Variants in TTC12 observed in about 807,000 individuals in gnomAD.
TTC12 encodes the protein tetratricopeptide repeat protein 12.
TTC12 carries 70 observed loss-of-function variants against 90.1 expected under a neutral mutation model. The ratio of observed to expected loss-of-function variants is 0.78; its 90% confidence interval spans 0.64 to 0.95. The LOEUF is 0.95. TTC12 is among the 40% of genes least tolerant of loss of function. The pLI is 0.00. For synonymous variants in TTC12, 296 were observed against 311.5 expected (o/e 0.95, Z 0.53); for missense variants, 819 against 846.1 (o/e 0.97, Z 0.40).
At chr11:113,335,853 T>C (rs1555143891) in intron 8 of TTC12, among the ~76,000 whole-genome samples, 2 of 152,218 alleles carry the variant, frequency 1.3e-5, no homozygotes, top group African/African-American at 4.8e-5. Context: ...GTTTCCACTT[T>C]TTGCCTGCTA....
At chr11:113,320,826 A>T (rs1343753133) in intron 2 of TTC12, among the ~76,000 whole-genome samples, 1 of 152,114 alleles carries the variant, frequency 6.6e-6, no homozygotes, top group Admixed American at 6.5e-5. Flanking sequence ...GTGACTAAAC[A>T]GGCAAGCCAC....
At chr11:113,368,768 C>A, downstream of TTC12, 1 of 499,258 alleles carries the variant, frequency 2.0e-6, no homozygotes, top group Non-Finnish European at 3.6e-6. Context: ...AGCTTCTTGG[C>A]TTGGAGAACT....
At chr11:113,362,277 T>C in intron 18 of TTC12, 124 bp from the exon 19 acceptor site, 1 of 665,502 alleles carries the variant, frequency 1.5e-6, no homozygotes, top group South Asian at 1.9e-5. Flanking sequence ...TTGGCCATCA[T>C]ATTTTTTATA....
intron 6 of TTC12, among the ~76,000 whole-genome samples, chr11:113,328,189 T>G: frequency 6.6e-6 from 1 of 152,208 alleles, no homozygotes; most frequent in East Asian, 1.9e-4. Flanking sequence ...TTGGCTATCC[T>G]TTCGTACAAA....
intron 17 of TTC12, among the ~76,000 whole-genome samples, chr11:113,359,701 G>A (rs528391805): frequency 2.0e-5 from 3 of 152,322 alleles, no homozygotes; most frequent in African/African-American, 7.2e-5. Context: ...GCTGAGCAGA[G>A]TATGAGGTGC....
intron 11 of TTC12, 75 bp downstream of exon 11, chr11:113,340,808 G>A: frequency 1.6e-6 from 2 of 1,268,198 alleles, no homozygotes; most frequent in Non-Finnish European, 2.3e-6. Context: ...CAGACACGAG[G>A]CACATAGACA....
chr11:113,358,013 G>A lies in TTC12; in HGVS notation c.1447-1350G>A, dbSNP rs150089606. ...CAATGGCAGAGGCAACGCAGCTGGGGGAGAGGGTCCCTGCTGATGACTGTG... is the reference window on the plus strand; with the variant it reads ...CAATGGCAGAGGCAACGCAGCTGGGAGAGAGGGTCCCTGCTGATGACTGTG... On this transcript the variant is annotated intron_variant, in intron 16 of 21. Transcript: ENST00000529221. 1.8e-3 allele frequency among the ~76,000 whole-genome samples: 278 copies of A among 152,334 alleles called. 1 individual carries two copies. Among genetic ancestry groups the A allele is most frequent in the Middle Eastern group, 6.8e-3 (2 of 294 alleles).
rs375203743 is a variant in TTC12 at position 113,351,261 on chromosome 11, A to G, written c.1270A>G (p.Asn424Asp). The G allele has an allele frequency of 1.2e-6, 2 of 1,614,080 alleles. No individual in the cohort carries two copies. Among genetic ancestry groups the G allele is most frequent in the African/African-American group, 1.3e-5 (1 of 74,944 alleles). Residue 424 changes from asparagine to aspartate, a missense_variant, in exon 15 of 22, where the codon AAC (asparagine) becomes GAC (aspartate). Coordinates refer to ENST00000529221, the MANE Select transcript of TTC12 (RefSeq NM_017868.4). Reference sequence around the variant, plus strand: ...CAGATTCCAAGTCTGGTTCCAGGCCAACCTTCCAGGTGTTCTCCCTGCACT... The same window carrying G: ...CAGATTCCAAGTCTGGTTCCAGGCCGACCTTCCAGGTGTTCTCCCTGCACT... ...EERFQVWFQA[N>D]LPGVLPALTG...
chr11:113,329,938 G>A lies in TTC12; in HGVS notation c.463G>A (p.Asp155Asn). 2 of 1,613,782 alleles carry A rather than the reference G, an allele frequency of 1.2e-6. No homozygotes were observed. The highest frequency in any genetic ancestry group is 8.5e-7 in the Non-Finnish European group (1 of 1,179,638). The change falls in exon 7 of 22, where the codon GAC becomes AAC. Residue 155 changes from aspartate to asparagine, a missense_variant. Asp to Asn is a conservative substitution (Grantham distance 23). Transcript: ENST00000529221. ...ATTACAGGCTTATATGAAACTTGAG[G>A]ACTATGAGAAGGCACTGGTGGATTG... is the stretch of plus-strand genomic sequence containing the variant. ...NRAQAYMKLE[D>N]YEKALVDCEW... is the part of the protein sequence containing the mutation.
rs146262130 is a variant in TTC12 at position 113,363,004 on chromosome 11, T to C, written c.1716+502T>C. Among the ~76,000 whole-genome samples, 67 of 152,308 alleles carry C rather than the reference T, an allele frequency of 4.4e-4. No homozygotes were observed. The East Asian group carries it at 0.013, about 29-fold the overall frequency. ...TCTAAGCAAGCCAGTAGAGCAGTTA[T>C]CTGGATTCACCTGCAAGGGCGAAGG... On this transcript the variant is annotated intron_variant, in intron 19 of 21. Transcript: ENST00000529221.
At chr11:113,330,937 T>C (rs1326707849) in intron 7 of TTC12, among the ~76,000 whole-genome samples, 1 of 152,174 alleles carries the variant, frequency 6.6e-6, no homozygotes, top group African/African-American at 2.4e-5. Context: ...AATTCTTGGG[T>C]ACAGCACACC....
At chr11:113,320,766 A>G (rs1413690000) in intron 2 of TTC12, among the ~76,000 whole-genome samples, 3 of 152,222 alleles carry the variant, frequency 2.0e-5, no homozygotes, top group Admixed American at 1.3e-4. Flanking sequence ...GGGCTCCTGC[A>G]CTTGTCCGTC....
chr11:113,357,963 C>T (rs1555153093), intron 16 of TTC12, among the ~76,000 whole-genome samples: 1 of 152,236 alleles, frequency 6.6e-6, no homozygotes, highest in Non-Finnish European at 1.5e-5. Context: ...TGTCAGGGTG[C>T]CTGCCTCCCT....
At chr11:113,371,653 T>TC (rs1434296000) in intron 21 of TTC12, 1 of 152,146 alleles carries the variant, frequency 6.6e-6, no homozygotes, top group Non-Finnish European at 1.5e-5. Flanking sequence ...GAACTAATGG[T>TC]CCAGAGTGGG....
At chr11:113,333,877 A>T (rs1236269205) in intron 7 of TTC12, among the ~76,000 whole-genome samples, 1 of 151,858 alleles carries the variant, frequency 6.6e-6, no homozygotes, top group African/African-American at 2.4e-5. Flanking sequence ...TTAAATTTAG[A>T]TTTTCTCTTT....
Position 113,364,822 on chromosome 11 carries a change from T to A in TTC12, c.1817-13T>A. On this transcript the variant is annotated splice_polypyrimidine_tract_variant and intron_variant, in intron 20 of 21. Transcript: ENST00000529221. ...TAAAAGGAGCTGTTGCTTGTTCTCT[T>A]CTTTCCCTGCAGAGTTGAGCGTTAT... 2 of 1,612,932 alleles carry A rather than the reference T, an allele frequency of 1.2e-6. No individual in the cohort carries two copies. Among genetic ancestry groups the A allele is most frequent in the Non-Finnish European group, 1.7e-6 (2 of 1,178,968 alleles).
chr11:113,334,073 C>T (rs1361649329), intron 7 of TTC12, among the ~76,000 whole-genome samples: 1 of 152,192 alleles, frequency 6.6e-6, no homozygotes, highest in Non-Finnish European at 1.5e-5. Flanking sequence ...TGGCCAACAA[C>T]ACGCCACTTC....
chr11:113,336,233 T>G (rs965476675), intron 8 of TTC12, among the ~76,000 whole-genome samples: 1 of 152,236 alleles, frequency 6.6e-6, no homozygotes, highest in Non-Finnish European at 1.5e-5. Context: ...GAGAAATATC[T>G]TCTTTTATAA....
Position 113,324,623 on chromosome 11 carries a change from T to C in TTC12, c.263T>C (p.Val88Ala), listed in dbSNP as rs184822367. 2,130 of 1,613,892 alleles carry C rather than the reference T, an allele frequency of 1.3e-3. 41 individuals are homozygous for C. Among genetic ancestry groups the C allele is most frequent in the Non-Finnish European group, 1.0e-4 (121 of 1,179,924 alleles). ...CTGTCAGAGGCCTTCTTGGCATCTG[T>C]GGAGAAGGATGCAAAGGAACGAGCC... Reference protein sequence around the residue: ...EINSEAFLASVEKDAKERAKR... With the variant: ...EINSEAFLASAEKDAKERAKR... Residue 88 changes from valine (V) to alanine (A), a missense_variant, in exon 5 of 22, where the codon GTG becomes GCG. Physicochemically the swap from Val to Ala is moderately conservative, Grantham distance 64. Coordinates refer to ENST00000529221, the MANE Select transcript of TTC12 (RefSeq NM_017868.4).
Sources: gnomAD v4.1 joint callset for allele counts (sites outside exome capture counted in the v4.1 genomes callset) on GRCh38, gnomAD v4.1.1 for gene constraint, MANE v1.5 for transcripts, NCBI Gene and HGNC (gene_info 2026-07-23, HGNC 2026-07-21) for gene names.